ZNF423: variants seen among roughly 807,000 people sequenced by gnomAD.
ZNF423 encodes the protein Ebf-associated zinc finger protein.
Under a neutral mutation model 95.8 loss-of-function variants are expected in ZNF423, and 12 were observed. That is an observed-to-expected ratio of 0.13 (90% CI 0.08 to 0.20). The LOEUF (loss-of-function observed/expected upper bound fraction) is 0.20. ZNF423 is among the 10% of genes least tolerant of loss of function. The pLI is 1.00. For missense variants in ZNF423, 1,316 were observed against 1,737.1 expected (o/e 0.76, Z 4.31); for synonymous variants, 749 against 711.9 (o/e 1.05, Z -0.83).
chr16:49,825,101 A>C (rs1263169590), intron 1 of ZNF423, among the ~76,000 whole-genome samples: 1 of 152,240 alleles, frequency 6.6e-6, no homozygotes, highest in Non-Finnish European at 1.5e-5. Flanking sequence ...GCATTACTCC[A>C]GGATTTTCAT....
intron 5 of ZNF423, among the ~76,000 whole-genome samples, chr16:49,585,869 C>T (rs986377827): frequency 2.6e-5 from 4 of 152,132 alleles, no homozygotes; most frequent in Non-Finnish European, 4.4e-5. Flanking sequence ...CAAGGCTGGC[C>T]TAGGCTGTTA....
chr16:49,856,876 G>T (rs1013152040), upstream of ZNF423, among the ~76,000 whole-genome samples: 7 of 147,258 alleles, frequency 4.8e-5, no homozygotes, highest in South Asian at 2.1e-4. Flanking sequence ...GCTCGGAGAG[G>T]GGGGAGGCGG....
intron 1 of ZNF423, among the ~76,000 whole-genome samples, chr16:49,823,957 C>G (rs1441373822): frequency 6.6e-6 from 1 of 152,098 alleles, no homozygotes; most frequent in East Asian, 1.9e-4. Context: ...TGGTACACAC[C>G]TGTAGTCCCA....
At chr16:49,748,613 C>T (rs909668861) in intron 2 of ZNF423, among the ~76,000 whole-genome samples, 1 of 152,194 alleles carries the variant, frequency 6.6e-6, no homozygotes, top group African/African-American at 2.4e-5. Context: ...GAAATCACAC[C>T]GGGTGACATC....
intron 5 of ZNF423, among the ~76,000 whole-genome samples, chr16:49,547,362 C>T (rs1010208016): frequency 2.6e-5 from 4 of 152,144 alleles, no homozygotes; most frequent in African/African-American, 4.8e-5. Context: ...CGTGATCCTC[C>T]CACATACCAA....
intron 1 of ZNF423, among the ~76,000 whole-genome samples, chr16:49,852,497 C>G (rs2144129225): frequency 6.6e-6 from 1 of 152,224 alleles, no homozygotes; most frequent in South Asian, 2.1e-4. Context: ...TAATCGTTAA[C>G]CAAACCACCT....
chr16:49,671,757 C>T (rs2030823060), intron 3 of ZNF423, among the ~76,000 whole-genome samples: 1 of 152,102 alleles, frequency 6.6e-6, no homozygotes, highest in African/African-American at 2.4e-5. Context: ...GATCTCGGCT[C>T]ATTAGCAACC....
intron 5 of ZNF423, among the ~76,000 whole-genome samples, chr16:49,625,931 G>A (rs1388090051): frequency 3.9e-5 from 6 of 152,188 alleles, no homozygotes; most frequent in Non-Finnish European, 7.3e-5. Context: ...GGAAATTTAT[G>A]CTGGAAAATG....
intron 5 of ZNF423, among the ~76,000 whole-genome samples, chr16:49,569,782 C>T (rs1374841527): frequency 6.6e-6 from 1 of 152,142 alleles, no homozygotes; most frequent in Non-Finnish European, 1.5e-5. Flanking sequence ...AAATGAATAA[C>T]AAAATTGACA....
chr16:49,551,254 T>C (rs1969623456), intron 5 of ZNF423, among the ~76,000 whole-genome samples: 1 of 152,256 alleles, frequency 6.6e-6, no homozygotes, highest in African/African-American at 2.4e-5. Flanking sequence ...TTTTCACAGA[T>C]TCAACCTCAG....
intron 5 of ZNF423, among the ~76,000 whole-genome samples, chr16:49,556,286 GCT>G (rs969453105): frequency 9.9e-5 from 15 of 152,096 alleles, no homozygotes; most frequent in African/African-American, 3.6e-4. Context: ...ATTCCCTGTG[GCT>G]CTCATCACTC....
chr16:49,519,238 T>C (rs1968284260), intron 7 of ZNF423, among the ~76,000 whole-genome samples: 2 of 152,228 alleles, frequency 1.3e-5, no homozygotes, highest in South Asian at 4.1e-4. Flanking sequence ...AAAGCTGTTA[T>C]CATCATTCAT....
At chr16:49,856,420 C>A (rs2035371018), upstream of ZNF423, among the ~76,000 whole-genome samples, 1 of 115,630 alleles carries the variant, frequency 8.6e-6, no homozygotes, top group African/African-American at 3.7e-5. Flanking sequence ...AGCTCAGTAC[C>A]CCCCAGGAAA....
intron 2 of ZNF423, among the ~76,000 whole-genome samples, chr16:49,753,182 T>G (rs2033663451): frequency 6.6e-6 from 1 of 151,828 alleles, no homozygotes; most frequent in Non-Finnish European, 1.5e-5. Flanking sequence ...AGGCAGAGGT[T>G]GCAGTGAGCC....
chr16:49,543,996 T>A (rs944191858), intron 5 of ZNF423, among the ~76,000 whole-genome samples: 2 of 152,212 alleles, frequency 1.3e-5, no homozygotes, highest in African/African-American at 4.8e-5. Flanking sequence ...ATGCAACAAC[T>A]GTCAGCTGTT....
At chr16:49,662,227 A>G (rs956195817) in intron 3 of ZNF423, among the ~76,000 whole-genome samples, 4 of 152,082 alleles carry the variant, frequency 2.6e-5, no homozygotes, top group Non-Finnish European at 5.9e-5. Flanking sequence ...CCACCCCAAA[A>G]AGTCCTTAAA....
chr16:49,757,314 C>T (rs1027209460), intron 2 of ZNF423, among the ~76,000 whole-genome samples: 3 of 152,186 alleles, frequency 2.0e-5, no homozygotes, highest in African/African-American at 7.2e-5. Flanking sequence ...ACACCGACAT[C>T]TCCTACAGTC....
intron 3 of ZNF423, among the ~76,000 whole-genome samples, chr16:49,673,237 G>A (rs1266829113): frequency 6.6e-6 from 1 of 152,206 alleles, no homozygotes; most frequent in Non-Finnish European, 1.5e-5. Context: ...ATGCCTTTGG[G>A]AGGAGTGGTG....
chr16:49,807,627 G>A (rs1433107465), intron 1 of ZNF423, among the ~76,000 whole-genome samples: 1 of 152,148 alleles, frequency 6.6e-6, no homozygotes, highest in African/African-American at 2.4e-5. Flanking sequence ...ATGTGCTCCC[G>A]ACTTGGCCCC....
Sources: gnomAD v4.1 joint callset for allele counts (sites outside exome capture counted in the v4.1 genomes callset) on GRCh38, gnomAD v4.1.1 for gene constraint, MANE v1.5 for transcripts, NCBI Gene and HGNC (gene_info 2026-07-23, HGNC 2026-07-21) for gene names.